Variants in XIRP2 observed in about 807,000 individuals in gnomAD.
The protein encoded by XIRP2 is xin actin-binding repeat-containing protein 2.
A neutral mutation model predicts 277.0 loss-of-function variants in XIRP2; 236 were observed. The ratio of observed to expected loss-of-function variants is 0.85; its 90% CI spans 0.77 to 0.95. The LOEUF is 0.95. XIRP2 is among the 40% of genes least tolerant of loss of function. The probability of loss-of-function intolerance (pLI) is 0.00; values close to 1 mark genes in which losing one functional copy is unlikely to be tolerated. For missense variants in XIRP2, 4,640 were observed against 4,157.5 expected (o/e 1.12, Z -3.19); for synonymous variants, 1,490 against 1,416.5 (o/e 1.05, Z -1.17).
chr2:167,198,261 G>C (rs928275535), intron 3 of XIRP2, among the ~76,000 whole-genome samples: 2 of 152,136 alleles, frequency 1.3e-5, no homozygotes, highest in African/African-American at 4.8e-5. Context: ...TATAGGCAAA[G>C]GGTATTTGGG....
intron 2 of XIRP2, among the ~76,000 whole-genome samples, chr2:166,994,919 C>G (rs565575502): frequency 1.7e-4 from 25 of 150,144 alleles, no homozygotes; most frequent in African/African-American, 6.2e-4. Flanking sequence ...TGGGCTTTGA[C>G]TTCTTTTTTT....
intron 4 of XIRP2, among the ~76,000 whole-genome samples, chr2:167,215,901 T>A (rs1694235193): frequency 6.6e-6 from 1 of 152,174 alleles, no homozygotes; most frequent in East Asian, 1.9e-4. Context: ...ACTCAGGTGC[T>A]TTTCAAATTG....
intron 2 of XIRP2, among the ~76,000 whole-genome samples, chr2:166,972,456 A>G (rs1686604023): frequency 6.6e-6 from 1 of 152,136 alleles, no homozygotes; most frequent in African/African-American, 2.4e-5. Context: ...CAGGAACTAT[A>G]CCTCTCTGTT....
At chr2:166,967,817 T>C (rs552024836) in intron 2 of XIRP2, among the ~76,000 whole-genome samples, 1 of 152,084 alleles carries the variant, frequency 6.6e-6, no homozygotes, top group South Asian at 2.1e-4. Flanking sequence ...ACAGTGATTA[T>C]TCTAGTTCCC....
intron 2 of XIRP2, among the ~76,000 whole-genome samples, chr2:166,918,792 T>A (rs756002491): frequency 6.6e-6 from 1 of 152,146 alleles, no homozygotes; most frequent in Non-Finnish European, 1.5e-5. Flanking sequence ...GAACATTTAT[T>A]CCTTTTGTGG....
chr2:167,164,810 A>G (rs1299239419), intron 3 of XIRP2, among the ~76,000 whole-genome samples: 1 of 128,632 alleles, frequency 7.8e-6, no homozygotes, highest in East Asian at 2.3e-4. Flanking sequence ...CCTCCCATTC[A>G]TAGCTTCCGT....
chr2:167,197,783 C>A lies in XIRP2; in HGVS notation c.563-12952C>A, dbSNP rs545780079. 3.9e-5 allele frequency among the ~76,000 whole-genome samples: 6 copies of A among 152,218 alleles called. No homozygotes were observed. In the Middle Eastern group the frequency reaches 0.01, roughly 259 times the overall value. On this transcript the variant is annotated intron_variant, in intron 3 of 10. Coordinates refer to ENST00000409195, the MANE Select transcript of XIRP2 (RefSeq NM_152381.6). ...AATTGCTTTTTACATTCCGTCCCAA[C>A]TTTCCTCCCCTTATCTTCTACTTCA...
chr2:167,117,914 T>C (rs1005772160), intron 2 of XIRP2, among the ~76,000 whole-genome samples: 19 of 152,230 alleles, frequency 1.2e-4, no homozygotes, highest in Non-Finnish European at 2.2e-4. Context: ...TTCCGGTAAG[T>C]TGTCTCTTAT....
intron 2 of XIRP2, among the ~76,000 whole-genome samples, chr2:167,051,833 G>A (rs1483432939): frequency 6.6e-6 from 1 of 152,164 alleles, no homozygotes; most frequent in East Asian, 1.9e-4. Context: ...AAGTTATACA[G>A]TATTTCTGTA....
rs111634184 is a variant in XIRP2, at chr2:167,089,522, C to T, written c.409-46387C>T. ...TCACAAGGAATATCAAAATGTTGTG[C>T]GCATGAGGGTCAAGATTTAATAAAA... is the stretch of plus-strand genomic sequence containing the variant. On this transcript the variant is annotated intron_variant, in intron 2 of 10. Transcript: ENST00000409195. Among the ~76,000 whole-genome samples, 491 of 152,202 alleles carry T rather than the reference C, an allele frequency of 3.2e-3. 3 individuals are homozygous for T. Among genetic ancestry groups the T allele is most frequent in the African/African-American group, 1.0e-2 (414 of 41,524 alleles).
intron 10 of XIRP2, among the ~76,000 whole-genome samples, chr2:167,256,650 T>C (rs1160835894): frequency 6.6e-6 from 1 of 151,948 alleles, no homozygotes. Context: ...TTTCTTTTAA[T>C]AACTTCATAT....
chr2:167,075,817 T>TC (rs1689551579), intron 2 of XIRP2, among the ~76,000 whole-genome samples: 1 of 151,944 alleles, frequency 6.6e-6, no homozygotes, highest in African/African-American at 2.4e-5. Context: ...AATTTTTTTT[T>TC]TTTTTTTGTA....
In XIRP2 at chr2:166,903,616, C is replaced by A. The variant is rs774074321; in HGVS notation, c.134C>A (p.Ala45Glu). Residue 45 changes from alanine to glutamate, a missense_variant, in exon 2 of 11, where the codon GCG becomes GAG. By Grantham distance (107) the Ala-to-Glu change is moderately radical. Transcript: ENST00000409195. ...CAGCCTCAGGAAAGCAAATTGCTTG[C>A]GCCTGAAGGAGAGGTAGTATCAGCA... ...IFQPQESKLL[A>E]PEGEVVSAPQ... 1 of 1,613,552 alleles carries A rather than the reference C, an allele frequency of 6.2e-7. No individual in the cohort carries two copies. Among genetic ancestry groups the A allele is most frequent in the South Asian group, 1.1e-5 (1 of 91,074 alleles).
chr2:167,256,467 A>G (rs1305648122), intron 10 of XIRP2, among the ~76,000 whole-genome samples: 2 of 151,514 alleles, frequency 1.3e-5, no homozygotes, highest in Admixed American at 1.3e-4. Flanking sequence ...CACCTCACTT[A>G]TGAGATTTTA....
In XIRP2 at chr2:167,054,247, C is replaced by G. The variant is rs539465588; in HGVS notation, c.409-81662C>G. 2.6e-5 allele frequency among the ~76,000 whole-genome samples: 4 copies of G among 152,250 alleles called. No individual in the cohort carries two copies. The South Asian group carries it at 8.3e-4, about 32-fold the overall frequency. ...TCTCTATTTTCAACATAGTTTTTTT[C>G]ACACAAACAATAATAGATGCTGTGA... is the stretch of plus-strand genomic sequence containing the variant. On this transcript the variant is annotated intron_variant, in intron 2 of 10. Coordinates refer to ENST00000409195, the MANE Select transcript of XIRP2 (RefSeq NM_152381.6).
intron 2 of XIRP2, among the ~76,000 whole-genome samples, chr2:167,053,972 G>T (rs544738644): frequency 6.6e-6 from 1 of 152,150 alleles, no homozygotes; most frequent in South Asian, 2.1e-4. Context: ...TCTGTATTAT[G>T]GTTCAAGAAT....
intron 3 of XIRP2, among the ~76,000 whole-genome samples, chr2:167,180,805 A>G (rs10497318): frequency 0.099 from 15,014 of 152,222 alleles, 798 homozygotes; most frequent in South Asian, 0.15. Context: ...ACTGAGGTCC[A>G]CCATTTCCTT....
At chr2:166,904,965 C>T (rs530073398) in intron 2 of XIRP2, among the ~76,000 whole-genome samples, 4 of 151,972 alleles carry the variant, frequency 2.6e-5, no homozygotes, top group African/African-American at 9.6e-5. Context: ...TGTAGTAAGC[C>T]ATCCTTCTTG....
At chr2:167,133,971 C>T (rs544940615) in intron 2 of XIRP2, among the ~76,000 whole-genome samples, 11 of 152,022 alleles carry the variant, frequency 7.2e-5, no homozygotes, top group Non-Finnish European at 1.5e-4. Context: ...AAAAAAATGA[C>T]AAGTTCTTTT....
Sources: allele counts gnomAD v4.1 joint callset (sites outside exome capture counted in the v4.1 genomes callset), GRCh38; gene constraint gnomAD v4.1.1; transcripts MANE v1.5; gene names NCBI Gene and HGNC (gene_info 2026-07-23, HGNC 2026-07-21).